Variants in DLEU7 observed in about 807,000 individuals in gnomAD.
DLEU7 encodes the protein deleted in lymphocytic leukemia 7.
A neutral mutation model predicts 16.0 loss-of-function variants in DLEU7; 17 were observed. The ratio of observed to expected loss-of-function variants is 1.06; its 90% CI spans 0.73 to 1.59. The LOEUF (loss-of-function observed/expected upper bound fraction) is 1.59, where lower values mean the gene tolerates loss of function less well. Ranked by LOEUF, DLEU7 falls within the 40% of genes most tolerant of loss-of-function variation. The probability of loss-of-function intolerance (pLI) is 0.00; values close to 1 mark genes in which losing one functional copy is unlikely to be tolerated. For synonymous variants in DLEU7, 113 were observed against 139.8 expected, an observed-to-expected ratio of 0.81 and a Z score of 1.35; for missense variants, 308 against 314.9, an observed-to-expected ratio of 0.98 and a Z score of 0.17.
At position 50,794,987 on chromosome 13, in the gene DLEU7, C is replaced by T. The variant is rs116479949; in HGVS notation, c.459+48201G>A. Reference sequence around the variant, plus strand: ...TTATTACAACAAAATTACTTGGTGACGGCTAGGCTGACATGTGATCTCCAT... The same window carrying T: ...TTATTACAACAAAATTACTTGGTGATGGCTAGGCTGACATGTGATCTCCAT... On this transcript the variant is annotated intron_variant, in intron 1 of 1. Transcript: ENST00000400393. Among the ~76,000 whole-genome samples the T allele has an allele frequency of 4.8e-3, 724 of 151,666 alleles. 6 individuals carry two copies. Among genetic ancestry groups the T allele is most frequent in the African/African-American group, 0.016 (678 of 41,384 alleles).
At chr13:50,811,280 A>G (rs1876556786) in intron 1 of DLEU7, among the ~76,000 whole-genome samples, 1 of 152,126 alleles carries the variant, frequency 6.6e-6, no homozygotes, top group South Asian at 2.1e-4. Context: ...TTAAGAACCG[A>G]GGGAAGGCCT....
At chr13:50,723,801 G>A (rs1873688213) in intron 1 of DLEU7, among the ~76,000 whole-genome samples, 1 of 151,646 alleles carries the variant, frequency 6.6e-6, no homozygotes, top group African/African-American at 2.4e-5. Context: ...TTTCTGGGGT[G>A]CAGTATGGTT....
intron 1 of DLEU7, among the ~76,000 whole-genome samples, chr13:50,833,839 G>T (rs1429462091): frequency 6.6e-6 from 1 of 152,082 alleles, no homozygotes; most frequent in African/African-American, 2.4e-5. Context: ...TACCAAAACA[G>T]ATATATAGAC....
intron 1 of DLEU7, among the ~76,000 whole-genome samples, chr13:50,807,515 T>G (rs1876428926): frequency 6.6e-6 from 1 of 152,030 alleles, no homozygotes; most frequent in Admixed American, 6.6e-5. Context: ...TGTTTTTTTT[T>G]TTAAGGTAAT....
chr13:50,837,502 T>C (rs1877509835), intron 1 of DLEU7, among the ~76,000 whole-genome samples: 1 of 152,238 alleles, frequency 6.6e-6, no homozygotes, highest in East Asian at 1.9e-4. Flanking sequence ...ATCCGTGGCT[T>C]ACGGGGAGAG....
intron 1 of DLEU7, among the ~76,000 whole-genome samples, chr13:50,744,842 C>T (rs2706245): frequency 0.08 from 12,125 of 152,144 alleles, 515 homozygotes; most frequent in East Asian, 0.14. Context: ...CTAATCATTA[C>T]GGAAATGCAG....
chr13:50,832,066 C>G (rs1304728907), intron 1 of DLEU7, among the ~76,000 whole-genome samples: 1 of 152,144 alleles, frequency 6.6e-6, no homozygotes, highest in East Asian at 1.9e-4. Context: ...ATGGTATCAG[C>G]TCCTCTTTGT....
At chr13:50,789,952 T>C (rs1875904418) in intron 1 of DLEU7, among the ~76,000 whole-genome samples, 1 of 151,484 alleles carries the variant, frequency 6.6e-6, no homozygotes, top group South Asian at 2.1e-4. Flanking sequence ...TTTCTTTTTT[T>C]TTTTTTTGGG....
chr13:50,777,135 T>C (rs1166655396), intron 1 of DLEU7, among the ~76,000 whole-genome samples: 1 of 152,202 alleles, frequency 6.6e-6, no homozygotes, highest in East Asian at 1.9e-4. Context: ...TGCTTTACTT[T>C]CCTGGCTACG....
chr13:50,741,302 A>T (rs1874244292), intron 1 of DLEU7, among the ~76,000 whole-genome samples: 1 of 152,196 alleles, frequency 6.6e-6, no homozygotes, highest in South Asian at 2.1e-4. Context: ...CCAGCTTTAT[A>T]TACATCTATT....
At chr13:50,779,016 G>T (rs1226081575) in intron 1 of DLEU7, among the ~76,000 whole-genome samples, 1 of 152,138 alleles carries the variant, frequency 6.6e-6, no homozygotes, top group Non-Finnish European at 1.5e-5. Context: ...TCTCACAAAG[G>T]CCTACTAGGG....
At chr13:50,711,772 C>CCGGCGGG, downstream of DLEU7, 18 of 73,014 alleles carry the variant, frequency 2.5e-4, 2 homozygotes, top group African/African-American at 7.0e-4. Flanking sequence ...GACCCAGTGG[C>CCGGCGGG]GGGGGCGGGG....
chr13:50,755,756 G>GA (rs1874738280), intron 1 of DLEU7, among the ~76,000 whole-genome samples: 2 of 48,512 alleles, frequency 4.1e-5, no homozygotes, highest in African/African-American at 2.6e-4. Flanking sequence ...TTTTTTTGAG[G>GA]GGGGGGGCAC....
At chr13:50,790,825 C>T (rs560677711) in intron 1 of DLEU7, among the ~76,000 whole-genome samples, 26 of 152,192 alleles carry the variant, frequency 1.7e-4, no homozygotes, top group Non-Finnish European at 3.1e-4. Context: ...GGTGCATTCC[C>T]GAAGAACAAC....
chr13:50,767,177 C>T (rs1593549929), intron 1 of DLEU7, among the ~76,000 whole-genome samples: 1 of 152,108 alleles, frequency 6.6e-6, no homozygotes, highest in Non-Finnish European at 1.5e-5. Context: ...CAGACGTGGC[C>T]GGGCGCGGTG....
At chr13:50,825,484 C>T (rs915037256) in intron 1 of DLEU7, among the ~76,000 whole-genome samples, 1 of 152,052 alleles carries the variant, frequency 6.6e-6, no homozygotes, top group African/African-American at 2.4e-5. Flanking sequence ...ACATATTATT[C>T]TTGAAAAAAA....
chr13:50,831,765 T>A (rs1276493655), intron 1 of DLEU7, among the ~76,000 whole-genome samples: 1 of 151,986 alleles, frequency 6.6e-6, no homozygotes, highest in Non-Finnish European at 1.5e-5. Context: ...TTGGGGAGAG[T>A]ACGTGATGTA....
At chr13:50,827,659 C>T (rs943809773) in intron 1 of DLEU7, among the ~76,000 whole-genome samples, 2 of 152,106 alleles carry the variant, frequency 1.3e-5, no homozygotes, top group African/African-American at 4.8e-5. Flanking sequence ...TGCTCTCCAG[C>T]CTGGGCAACA....
At position 50,823,369 on chromosome 13, in the gene DLEU7, T is replaced by G; in HGVS notation, c.611A>C (p.His204Pro). The G allele has an allele frequency of 6.5e-7, 1 of 1,535,906 alleles. No homozygotes were observed. The change falls in exon 2 of 2, where the codon CAC becomes CCC. Residue 204 changes from histidine to proline, a missense_variant. Transcript: ENST00000504404. ...TCTCAAGGAAGCACAGGCTACCATG[T>G]GGGCATCTGAAGGAAAATTAGCAAG... The part of the protein sequence containing the change: ...QSLANFPSDA[H>P]MVACASLRQI...
Sources: allele counts gnomAD v4.1 joint callset (sites outside exome capture counted in the v4.1 genomes callset), GRCh38; gene constraint gnomAD v4.1.1; transcripts MANE v1.5; gene names NCBI Gene and HGNC (gene_info 2026-07-23, HGNC 2026-07-21).